Variants in IGFBP2 observed in about 807,000 individuals in gnomAD.
IGFBP2 encodes the protein insulin-like growth factor-binding protein 2.
Under a neutral mutation model 26.2 loss-of-function variants are expected in IGFBP2, and 12 were observed. The ratio of observed to expected loss-of-function variants is 0.46; its 90% CI spans 0.29 to 0.74. The LOEUF is 0.74. Ranked by LOEUF, IGFBP2 falls within the 30% of genes least tolerant of loss-of-function variation. The probability of loss-of-function intolerance (pLI) is 0.09; values close to 1 mark genes in which losing one functional copy is unlikely to be tolerated. For synonymous variants in IGFBP2, 189 were observed against 200.6 expected (o/e 0.94, Z 0.49); for missense variants, 328 against 441.2 (o/e 0.74, Z 2.30).
At chr2:216,660,332 T>C (rs777434068) in intron 1 of IGFBP2, among the ~76,000 whole-genome samples, 21 of 152,196 alleles carry the variant, frequency 1.4e-4, no homozygotes, top group Non-Finnish European at 2.6e-4. Flanking sequence ...ATTCTCCATC[T>C]CTGAAAGTTG....
intron 1 of IGFBP2, among the ~76,000 whole-genome samples, chr2:216,642,391 C>G (rs369439088): frequency 1.3e-5 from 2 of 149,188 alleles, no homozygotes; most frequent in Non-Finnish European, 3.0e-5. Context: ...ACTGCAAGCC[C>G]GCCTCCTGGG....
chr2:216,653,383 G>A (rs1205176065), intron 1 of IGFBP2, among the ~76,000 whole-genome samples: 1 of 152,210 alleles, frequency 6.6e-6, no homozygotes, highest in East Asian at 1.9e-4. Flanking sequence ...AATGAGCTGT[G>A]CCAAAATTAG....
Position 216,643,773 on chromosome 2 carries a change from C to T in IGFBP2, c.442+9808C>T, listed in dbSNP as rs78129127. ...TGGGCTGCAGGTTGGACAAGCTTGG[C>T]GTAGACTCTTGGAGGGCTTTCATGG... On this transcript the variant is annotated intron_variant, in intron 1 of 3. Transcript: ENST00000233809. Among the ~76,000 whole-genome samples the T allele has an allele frequency of 5.9e-3, 891 of 152,232 alleles. 11 individuals are homozygous for T. Among genetic ancestry groups the T allele is most frequent in the Non-Finnish European group, 5.3e-3 (358 of 68,020 alleles).
chr2:216,658,226 C>A (rs1697955693), intron 1 of IGFBP2, among the ~76,000 whole-genome samples: 1 of 152,152 alleles, frequency 6.6e-6, no homozygotes, highest in Admixed American at 6.5e-5. Flanking sequence ...TCTGCGGTGG[C>A]CTTGGAAACC....
intron 1 of IGFBP2, among the ~76,000 whole-genome samples, chr2:216,638,602 C>T (rs1465062306): frequency 1.3e-5 from 2 of 152,200 alleles, no homozygotes; most frequent in Non-Finnish European, 2.9e-5. Flanking sequence ...TGAGGGCTGA[C>T]TTGGAGAGAA....
intron 2 of IGFBP2, 142 bp downstream of exon 2, chr2:216,660,928 A>G: frequency 1.5e-6 from 1 of 661,652 alleles, no homozygotes; most frequent in Non-Finnish European, 2.6e-6. Context: ...TAGTTGTGGA[A>G]CATAGTTAGT....
Position 216,661,894 on chromosome 2 carries a change from C to T in IGFBP2, c.709C>T (p.Arg237Trp), listed in dbSNP as rs745823031. ...CQQELDQVLE[R>W]ISTMRLPDER... Reference sequence around the variant, plus strand: ...ACAGGAACTGGACCAGGTCCTGGAGCGGATCTCCACCATGCGCCTTCCGGA... The same window carrying T: ...ACAGGAACTGGACCAGGTCCTGGAGTGGATCTCCACCATGCGCCTTCCGGA... The change falls in exon 3 of 4, where the codon CGG (arginine) becomes TGG (tryptophan). Residue 237 changes from arginine to tryptophan, a missense_variant. Transcript: ENST00000233809. 9 of 1,614,034 alleles carry T rather than the reference C, an allele frequency of 5.6e-6. No homozygotes were observed. The highest frequency in any genetic ancestry group is 1.3e-5 in the African/African-American group (1 of 74,928).
rs778439874 is a variant in IGFBP2 at position 216,664,134 on chromosome 2, G to GC, written c.*36dup. 2.9e-5 allele frequency: 43 copies of GC among 1,508,218 alleles called. No homozygotes were observed. The highest frequency in any genetic ancestry group is 4.2e-5 in the Admixed American group (2 of 47,162). 93.4% of individuals were successfully genotyped at this position (1,508,218 alleles called of 1,614,324 possible). On this transcript the variant is annotated 3_prime_UTR_variant, in exon 4 of 4. Transcript: ENST00000233809. The surrounding 1 kb of genome is among the most constrained non-coding windows in gnomAD (Gnocchi z 4.6). ...CAGCCAGCCGGTGCCTGGCGCCCCT[G>GC]CCCCCCGCCCCTCTCCAAACACCGG...
chr2:216,657,731 G>A (rs182973206), intron 1 of IGFBP2, among the ~76,000 whole-genome samples: 110 of 152,294 alleles, frequency 7.2e-4, no homozygotes, highest in Non-Finnish European at 1.1e-3. Flanking sequence ...GCCTGGAGGC[G>A]CACGCTAAAT....
At chr2:216,662,249 G>A in intron 3 of IGFBP2, 1 of 540,692 alleles carries the variant, frequency 1.8e-6, no homozygotes, top group South Asian at 2.2e-5. Context: ...TGGAGTCCAG[G>A]TTGGGAGGAG....
chr2:216,654,603 C>T (rs555458907), intron 1 of IGFBP2, among the ~76,000 whole-genome samples: 3 of 152,342 alleles, frequency 2.0e-5, no homozygotes, highest in South Asian at 4.1e-4. Context: ...TTTCATTTCC[C>T]TTCCCTGGGC....
Position 216,633,576 on chromosome 2 carries a change from TGCC to T in IGFBP2, c.56_58del (p.Pro19del). ...CTGCCGCTGCCGCCGCCGCCGCTGC[TGCC>T]GCTGCTGCTGCTGCTACTGGGCGCG... is the stretch of plus-strand genomic sequence containing the variant. On this transcript the variant is annotated inframe_deletion, in exon 1 of 4. Transcript: ENST00000233809. The T allele has an allele frequency of 9.9e-7, 1 of 1,013,840 alleles. No individual in the cohort carries two copies. Among genetic ancestry groups the T allele is most frequent in the Non-Finnish European group, 1.2e-6 (1 of 851,936 alleles). 62.8% of individuals were successfully genotyped at this position (1,013,840 alleles called of 1,614,324 possible). A position where few individuals can be genotyped will look rare whatever the true frequency, so the allele number is the denominator to read the frequency against.
chr2:216,633,586 G>GCCGCTGCTA lies in IGFBP2; in HGVS notation c.64_65insCGCTGCTAC (p.Pro19_Leu21dup), dbSNP rs1398837553. The GCCGCTGCTA allele has an allele frequency of 2.0e-6, 2 of 1,019,036 alleles. No homozygotes were observed. The highest frequency in any genetic ancestry group is 8.6e-5 in the South Asian group (2 of 23,306). The allele number at this position is 1,019,036 out of a possible 1,614,324, so 63.1% of individuals were successfully genotyped here. A position where few individuals can be genotyped will look rare whatever the true frequency, so the allele number is the denominator to read the frequency against. On this transcript the variant is annotated inframe_insertion, in exon 1 of 4. Coordinates refer to ENST00000233809, the MANE Select transcript of IGFBP2 (RefSeq NM_000597.3). ...CGCCGCCGCCGCTGCTGCCGCTGCT[G>GCCGCTGCTA]CTGCTGCTACTGGGCGCGAGTGGCG... is the stretch of plus-strand genomic sequence containing the variant.
intron 1 of IGFBP2, among the ~76,000 whole-genome samples, chr2:216,646,976 A>T (rs1452187894): frequency 6.6e-6 from 1 of 152,210 alleles, no homozygotes; most frequent in Non-Finnish European, 1.5e-5. Flanking sequence ...TTGTCATACC[A>T]CCTGTAACAC....
Position 216,633,573 on chromosome 2 carries a change from TGCTGCC to T in IGFBP2, c.56_61del (p.Pro19_Leu20del). The stretch of plus-strand genomic sequence containing the variant: ...GCGCTGCCGCTGCCGCCGCCGCCGC[TGCTGCC>T]GCTGCTGCTGCTGCTACTGGGCGCG... On this transcript the variant is annotated inframe_deletion, in exon 1 of 4. Transcript: ENST00000233809. 1 of 1,010,696 alleles carries T rather than the reference TGCTGCC, an allele frequency of 9.9e-7. No individual in the cohort carries two copies. The highest frequency in any genetic ancestry group is 1.2e-6 in the Non-Finnish European group (1 of 849,016). 62.6% of individuals were successfully genotyped at this position (1,010,696 alleles called of 1,614,324 possible). A position where few individuals can be genotyped will look rare whatever the true frequency, so the allele number is the denominator to read the frequency against.
At chr2:216,635,296 C>T (rs577537045) in intron 1 of IGFBP2, among the ~76,000 whole-genome samples, 8 of 152,248 alleles carry the variant, frequency 5.3e-5, no homozygotes, top group Non-Finnish European at 1.0e-4. Flanking sequence ...TCTCCCTCGG[C>T]TCGCTTCCTT....
At chr2:216,661,292 G>A (rs529840452) in intron 2 of IGFBP2, 2 of 250,874 alleles carry the variant, frequency 8.0e-6, no homozygotes, top group Non-Finnish European at 1.6e-5. Context: ...TGGTGGAAAT[G>A]TGGGTCTCAC....
intron 1 of IGFBP2, among the ~76,000 whole-genome samples, chr2:216,656,660 G>A (rs1675877955): frequency 6.6e-6 from 1 of 152,158 alleles, no homozygotes; most frequent in African/African-American, 2.4e-5. Context: ...TCGGGTGAGC[G>A]GCTCCTTCCC....
At chr2:216,647,580 C>T (rs957471971) in intron 1 of IGFBP2, among the ~76,000 whole-genome samples, 3 of 152,268 alleles carry the variant, frequency 2.0e-5, no homozygotes, top group East Asian at 1.9e-4. Context: ...AGTGCAGTGG[C>T]GTGATCTCGG....
Sources: allele counts gnomAD v4.1 joint callset (sites outside exome capture counted in the v4.1 genomes callset), GRCh38; gene constraint gnomAD v4.1.1; non-coding constraint Gnocchi (gnomAD v3.1); transcripts MANE v1.5; gene names NCBI Gene and HGNC (gene_info 2026-07-23, HGNC 2026-07-21).